The following CPS1 variants were observed in gnomAD, a reference collection of about 807,000 sequenced individuals.
CPS1 encodes carbamoyl-phosphate synthase 1.
In CPS1, 109 loss-of-function variants were observed where a neutral mutation model predicts 174.6. That is an observed-to-expected ratio of 0.62 (90% CI 0.53 to 0.73). The LOEUF (loss-of-function observed/expected upper bound fraction) is 0.73, where lower values mean the gene tolerates loss of function less well. Among genes scored for constraint, CPS1 ranks in the 30% least tolerant of loss-of-function variants. The pLI, the probability that CPS1 is intolerant of heterozygous loss-of-function variation, is 0.00. For missense variants in CPS1, 1,689 were observed against 1,821.9 expected, an observed-to-expected ratio of 0.93 and a Z score of 1.33; for synonymous variants, 637 against 632.0, an observed-to-expected ratio of 1.01 and a Z score of -0.12.
At chr2:210,577,613 G>T in intron 4 of CPS1, 103 bp downstream of exon 4, 2 of 884,932 alleles carry the variant, frequency 2.3e-6, no homozygotes. Flanking sequence ...TGTAGTTTGG[G>T]ATCTTTGCAT....
At chr2:210,485,625 C>T (rs533744854) in intron 1 of CPS1, among the ~76,000 whole-genome samples, 28 of 151,902 alleles carry the variant, frequency 1.8e-4, no homozygotes, top group Non-Finnish European at 3.8e-4. Flanking sequence ...TTCTATTTGT[C>T]AGTTTTATTC....
chr2:210,480,295 T>C (rs1228507049), intron 1 of CPS1, among the ~76,000 whole-genome samples: 2 of 152,134 alleles, frequency 1.3e-5, no homozygotes, highest in African/African-American at 4.8e-5. Flanking sequence ...TGGTGAGGAT[T>C]TAGTCACTTG....
chr2:210,545,657 G>GAATATA (rs1696542443), intron 1 of CPS1, among the ~76,000 whole-genome samples: 1 of 151,750 alleles, frequency 6.6e-6, no homozygotes, highest in African/African-American at 2.4e-5. Flanking sequence ...AAAGCACTTG[G>GAATATA]TATTTTAAAA....
intron 12 of CPS1, among the ~76,000 whole-genome samples, 182 bp from the exon 13 acceptor site, chr2:210,595,305 T>C (rs1474504254): frequency 2.0e-5 from 3 of 151,870 alleles, no homozygotes; most frequent in African/African-American, 7.2e-5. Context: ...GGAAGTCACA[T>C]TGAAATCAGA....
chr2:210,560,362 A>T (rs950610392), intron 1 of CPS1, among the ~76,000 whole-genome samples: 1 of 152,160 alleles, frequency 6.6e-6, no homozygotes, highest in African/African-American at 2.4e-5. Context: ...TTCTGAGTTC[A>T]CAAGTCTGGG....
chr2:210,519,894 C>A, intron 1 of CPS1: 2 of 571,796 alleles, frequency 3.5e-6, no homozygotes, highest in Non-Finnish European at 4.4e-6. Context: ...TTCCAGCATA[C>A]AGTGCTCAGA....
At position 210,588,061 on chromosome 2, in the gene CPS1, G is replaced by A; in HGVS notation, c.625G>A (p.Val209Ile). Residue 209 changes from valine to isoleucine, a missense_variant, in exon 7 of 38, where the codon GTC becomes ATC. Physicochemically the swap from Val to Ile is conservative, Grantham distance 29. Coordinates refer to ENST00000233072, the MANE Select transcript of CPS1 (RefSeq NM_001875.5). Reference protein sequence around the residue: ...NLIAEVSTKDVKVYGKGNPTK... With the variant: ...NLIAEVSTKDIKVYGKGNPTK... ...TCTCTGGTTTTTAAAATGGCAGGAT[G>A]TCAAAGTGTACGGCAAAGGAAACCC... 1 of 1,612,904 alleles carries A rather than the reference G, an allele frequency of 6.2e-7. No homozygotes were observed. Among genetic ancestry groups the A allele is most frequent in the Non-Finnish European group, 8.5e-7 (1 of 1,179,166 alleles).
At position 210,675,737 on chromosome 2, in the gene CPS1, A is replaced by G; in HGVS notation, c.4171A>G (p.Thr1391Ala). 6.3e-7 allele frequency: 1 copy of G among 1,574,914 alleles called. No individual in the cohort carries two copies. Among genetic ancestry groups the G allele is most frequent in the Non-Finnish European group, 8.7e-7 (1 of 1,144,122 alleles). ...LHNEGFKLFA[T>A]EATSDWLNAN... ...TTCATTTTAAATGCAGCTGTTTGCC[A>G]CGGAAGCCACATCAGACTGGCTCAA... is the stretch of plus-strand genomic sequence containing the variant. Residue 1391 changes from threonine to alanine, a missense_variant, in exon 36 of 38, where the codon ACG (threonine) becomes GCG (alanine). Coordinates refer to ENST00000233072, the MANE Select transcript of CPS1 (RefSeq NM_001875.5).
At chr2:210,505,361 G>A (rs1319207941) in intron 1 of CPS1, among the ~76,000 whole-genome samples, 1 of 152,020 alleles carries the variant, frequency 6.6e-6, no homozygotes, top group Non-Finnish European at 1.5e-5. Context: ...CTAGAAAACA[G>A]TGATAATCTC....
At chr2:210,592,580 A>G (rs1698344661) in intron 10 of CPS1, among the ~76,000 whole-genome samples, 1 of 151,944 alleles carries the variant, frequency 6.6e-6, no homozygotes, top group Non-Finnish European at 1.5e-5. Flanking sequence ...CTCTGAACAG[A>G]ACCCAGAGGG....
chr2:210,675,722 A>C lies in CPS1; in HGVS notation c.4162-6A>C. On this transcript the variant is annotated splice_polypyrimidine_tract_variant and splice_region_variant and intron_variant, in intron 35 of 37. Coordinates refer to ENST00000233072, the MANE Select transcript of CPS1 (RefSeq NM_001875.5). The stretch of plus-strand genomic sequence containing the variant: ...ACGGTAATTGATTTTTTCATTTTAA[A>C]TGCAGCTGTTTGCCACGGAAGCCAC... The C allele has an allele frequency of 1.4e-6, 2 of 1,417,268 alleles. No homozygotes were observed. Among genetic ancestry groups the C allele is most frequent in the Non-Finnish European group, 2.0e-6 (2 of 1,000,274 alleles). 87.8% of individuals were successfully genotyped at this position (1,417,268 alleles called of 1,614,324 possible). A position where few individuals can be genotyped will look rare whatever the true frequency, so the allele number is the denominator to read the frequency against.
intron 28 of CPS1, among the ~76,000 whole-genome samples, chr2:210,652,453 A>G (rs1320381968): frequency 6.6e-6 from 1 of 152,152 alleles, no homozygotes; most frequent in Non-Finnish European, 1.5e-5. Flanking sequence ...GATTAGAGTA[A>G]TGACACTAAA....
At chr2:210,617,685 G>T (rs2105868207) in intron 21 of CPS1, 1 of 152,110 alleles carries the variant, frequency 6.6e-6, no homozygotes, top group East Asian at 1.9e-4. Flanking sequence ...TGACAAAGAT[G>T]AAACCAGCTA....
chr2:210,526,568 C>A (rs1695977820), intron 1 of CPS1, among the ~76,000 whole-genome samples: 1 of 151,770 alleles, frequency 6.6e-6, no homozygotes, highest in Non-Finnish European at 1.5e-5. Context: ...TGAAAAGCAC[C>A]TAGCATGGGG....
intron 1 of CPS1, among the ~76,000 whole-genome samples, chr2:210,532,410 C>A (rs557641022): frequency 1.5e-4 from 23 of 152,234 alleles, no homozygotes; most frequent in Admixed American, 5.9e-4. Context: ...TTATACTTAG[C>A]AGTTCTAAAT....
intron 27 of CPS1, 112 bp downstream of exon 27, chr2:210,648,652 T>C (rs1700461671): frequency 2.2e-6 from 2 of 922,116 alleles, no homozygotes. Flanking sequence ...TATAAATCCA[T>C]TAACAATTTC....
At chr2:210,669,583 T>C (rs1041340832) in intron 34 of CPS1, among the ~76,000 whole-genome samples, 4 of 152,104 alleles carry the variant, frequency 2.6e-5, no homozygotes, top group Admixed American at 1.3e-4. Flanking sequence ...TTTGGAGAAG[T>C]TTCTGCAAAG....
chr2:210,642,351 T>C, intron 24 of CPS1, 133 bp from the exon 25 acceptor site: 1 of 1,057,742 alleles, frequency 9.5e-7, no homozygotes, highest in East Asian at 2.4e-5. Context: ...ATTTATATCT[T>C]GGAGTTTAAA....
chr2:210,648,961 C>A (rs2371010), intron 27 of CPS1, among the ~76,000 whole-genome samples: 148,072 of 152,332 alleles, frequency 0.97, 72,130 homozygotes, highest in Middle Eastern at 1. Context: ...TTTTGAGATC[C>A]GATTGTTTAA....
Sources: allele counts gnomAD v4.1 joint callset (sites outside exome capture counted in the v4.1 genomes callset), GRCh38; gene constraint gnomAD v4.1.1; transcripts MANE v1.5; gene names NCBI Gene and HGNC (gene_info 2026-07-23, HGNC 2026-07-21).